Variants in RUNX1 observed in about 807,000 individuals in gnomAD.
The protein encoded by RUNX1 is runt-related transcription factor 1.
In RUNX1, 19 loss-of-function variants were observed where a neutral mutation model predicts 42.8. The observed-to-expected ratio is 0.44, with a 90% CI of 0.31 to 0.65. The LOEUF is 0.65. Among genes scored for constraint, RUNX1 ranks in the 30% least tolerant of loss-of-function variants. RUNX1 has a pLI of 0.07. For missense variants in RUNX1, 528 were observed against 672.0 expected (o/e 0.79, Z 2.37); for synonymous variants, 271 against 289.4 (o/e 0.94, Z 0.64).
chr21:34,957,835 C>T (rs574559640), intron 2 of RUNX1, among the ~76,000 whole-genome samples: 92 of 152,188 alleles, frequency 6.0e-4, no homozygotes, highest in Non-Finnish European at 1.0e-3. Flanking sequence ...ATGTCATGTC[C>T]GGCTATCGGC....
intron 2 of RUNX1, among the ~76,000 whole-genome samples, chr21:34,918,914 AAATAC>A (rs1275683692): frequency 6.6e-6 from 1 of 152,276 alleles, no homozygotes; most frequent in Non-Finnish European, 1.5e-5. Context: ...CAAAAAAATA[AAATAC>A]AATAAAAGGA....
At chr21:34,941,830 C>CT (rs201225102) in intron 2 of RUNX1, among the ~76,000 whole-genome samples, 3,117 of 138,496 alleles carry the variant, frequency 0.023, 97 homozygotes, top group African/African-American at 0.068. Context: ...TATTTTTTTC[C>CT]TTTTTTTTTT....
chr21:34,913,097 T>C (rs1405324514), intron 2 of RUNX1, among the ~76,000 whole-genome samples: 2 of 152,112 alleles, frequency 1.3e-5, no homozygotes, highest in African/African-American at 4.8e-5. Context: ...CTGGGGGTGG[T>C]GGTGGGCACC....
intron 2 of RUNX1, among the ~76,000 whole-genome samples, chr21:34,894,865 C>T (rs1271567462): frequency 6.8e-6 from 1 of 147,054 alleles, no homozygotes; most frequent in Non-Finnish European, 1.5e-5. Flanking sequence ...TCACATCACT[C>T]TTGACCTACA....
At chr21:35,009,993 G>A (rs2146906894) in intron 2 of RUNX1, among the ~76,000 whole-genome samples, 1 of 152,292 alleles carries the variant, frequency 6.6e-6, no homozygotes, top group South Asian at 2.1e-4. Context: ...GGTATAACTA[G>A]GCTGGATGAA....
intron 2 of RUNX1, among the ~76,000 whole-genome samples, chr21:35,018,438 G>A (rs1434860571): frequency 6.6e-6 from 1 of 152,108 alleles, no homozygotes; most frequent in African/African-American, 2.4e-5. Flanking sequence ...TTTGATCCCA[G>A]ACTTCCAGTC....
intron 2 of RUNX1, among the ~76,000 whole-genome samples, chr21:34,928,598 T>C (rs2058414434): frequency 6.6e-6 from 1 of 151,770 alleles, no homozygotes; most frequent in Non-Finnish European, 1.5e-5. Context: ...GGAGAATCGC[T>C]TGTAACCAGA....
rs79207173 is a variant in RUNX1, at chr21:34,946,817, A to T, written c.59-53854T>A. On this transcript the variant is annotated intron_variant, in intron 2 of 8. Coordinates refer to ENST00000675419, the MANE Select transcript of RUNX1 (RefSeq NM_001754.5). ...TTCTCTAGGTTTTCTCATTTATCAC[A>T]AAGGGACTGGTAATTCCTATGTGAC... 1.9e-4 allele frequency among the ~76,000 whole-genome samples: 29 copies of T among 152,268 alleles called. No individual in the cohort carries two copies. The East Asian group carries it at 5.6e-3, about 29-fold the overall frequency.
chr21:34,993,524 C>CACAT (rs1215203775), intron 2 of RUNX1, among the ~76,000 whole-genome samples: 23 of 139,730 alleles, frequency 1.6e-4, no homozygotes, highest in African/African-American at 3.8e-4. Context: ...CACACACACA[C>CACAT]ACATACATAC....
intron 5 of RUNX1, among the ~76,000 whole-genome samples, chr21:34,871,413 G>T (rs889717092): frequency 6.6e-6 from 1 of 152,184 alleles, no homozygotes; most frequent in African/African-American, 2.4e-5. Context: ...CACGGAGAAG[G>T]AAAATTAGGC....
At chr21:34,923,757 C>A (rs554970695) in intron 2 of RUNX1, among the ~76,000 whole-genome samples, 1 of 114,140 alleles carries the variant, frequency 8.8e-6, no homozygotes, top group South Asian at 2.3e-4. Context: ...GATTTTACCA[C>A]CTCCCCATCC....
At chr21:34,979,160 ATG>A (rs2058827270) in intron 2 of RUNX1, among the ~76,000 whole-genome samples, 1 of 152,040 alleles carries the variant, frequency 6.6e-6, no homozygotes, top group Admixed American at 6.5e-5. Context: ...ATATATTCCC[ATG>A]CCTGGGTTCT....
intron 2 of RUNX1, among the ~76,000 whole-genome samples, chr21:34,973,269 T>C (rs1384003777): frequency 6.6e-6 from 1 of 152,228 alleles, no homozygotes; most frequent in African/African-American, 2.4e-5. Flanking sequence ...TTGTAGTGGT[T>C]GGTGTATTTG....
At chr21:34,846,034 G>C (rs2057309346) in intron 6 of RUNX1, among the ~76,000 whole-genome samples, 1 of 151,940 alleles carries the variant, frequency 6.6e-6, no homozygotes, top group Admixed American at 6.6e-5. Flanking sequence ...GGAGGGAGGC[G>C]GCCCCACTCA....
chr21:35,007,549 C>T (rs1047173004), intron 2 of RUNX1, among the ~76,000 whole-genome samples: 1 of 152,192 alleles, frequency 6.6e-6, no homozygotes, highest in Admixed American at 6.5e-5. Flanking sequence ...CTTCCCCTTC[C>T]CTGGCTCCAC....
chr21:34,968,021 T>G (rs772276970), intron 2 of RUNX1, among the ~76,000 whole-genome samples: 1 of 152,184 alleles, frequency 6.6e-6, no homozygotes, highest in Non-Finnish European at 1.5e-5. Flanking sequence ...ATTTCCAGGC[T>G]GCTGTATTTC....
chr21:34,886,664 T>C (rs936557408), intron 4 of RUNX1, among the ~76,000 whole-genome samples, 179 bp downstream of exon 4: 10 of 152,156 alleles, frequency 6.6e-5, no homozygotes, highest in Non-Finnish European at 1.3e-4. Context: ...GACGAGTGCC[T>C]CCCGAGGGTC....
chr21:34,799,091 C>T lies in RUNX1; in HGVS notation c.967+210G>A, dbSNP rs555500865. 1.8e-4 allele frequency among the ~76,000 whole-genome samples: 28 copies of T among 152,352 alleles called. No individual in the cohort carries two copies. In the East Asian group the frequency reaches 5.4e-3, roughly 29 times the overall value. ...CTTTAGATGTCTAAGGAACCTACTT[C>T]TCCAAGCCACTTCTGCCTTCACATC... On this transcript the variant is annotated intron_variant, in intron 8 of 8. Transcript: ENST00000675419.
In RUNX1 at chr21:34,852,496, A is replaced by G. The variant is rs534117169; in HGVS notation, c.613+6978T>C. 4.7e-4 allele frequency among the ~76,000 whole-genome samples: 72 copies of G among 152,380 alleles called. 1 individual carries two copies. The South Asian group carries it at 0.014, about 31-fold the overall frequency. On this transcript the variant is annotated intron_variant, in intron 6 of 8. Transcript: ENST00000675419. ...GAAAGACATTCTAAAATTCGCTGGA[A>G]ACATTTAGGCACGATTATTATTAAT...
Sources: allele counts gnomAD v4.1 joint callset (sites outside exome capture counted in the v4.1 genomes callset), GRCh38; gene constraint gnomAD v4.1.1; transcripts MANE v1.5; gene names NCBI Gene and HGNC (gene_info 2026-07-23, HGNC 2026-07-21).